HNRNPLL: variants seen among roughly 807,000 people sequenced by gnomAD.
The protein encoded by HNRNPLL is heterogeneous nuclear ribonucleoprotein L-like.
HNRNPLL carries 25 observed loss-of-function variants against 67.1 expected under a neutral mutation model. The ratio of observed to expected loss-of-function variants is 0.37; its 90% CI spans 0.27 to 0.52. The LOEUF (loss-of-function observed/expected upper bound fraction) is 0.52. Ranked by LOEUF, HNRNPLL falls within the 20% of genes least tolerant of loss-of-function variation. HNRNPLL has a pLI of 0.90. For missense variants in HNRNPLL, 542 were observed against 673.9 expected (o/e 0.80, Z 2.17); for synonymous variants, 267 against 241.7 (o/e 1.10, Z -0.97).
rs533204269 is a variant in HNRNPLL, at chr2:38,566,473, C to T, written c.1573+1726G>A. ...CTTGACTTGACACAAATTAAAACAA[C>T]CAAATACCATTTTTCATCTATCATA... On this transcript the variant is annotated intron_variant, in intron 12 of 12. Transcript: ENST00000449105. Among the ~76,000 whole-genome samples, 186 of 150,960 alleles carry T rather than the reference C, an allele frequency of 1.2e-3. 1 individual carries two copies. Among genetic ancestry groups the T allele is most frequent in the African/African-American group, 4.4e-3 (182 of 41,040 alleles).
At chr2:38,595,677 C>G (rs1667155372) in intron 1 of HNRNPLL, among the ~76,000 whole-genome samples, 1 of 151,986 alleles carries the variant, frequency 6.6e-6, no homozygotes, top group African/African-American at 2.4e-5. Flanking sequence ...AACCACATCT[C>G]TACTAAAAAT....
chr2:38,599,449 T>C (rs1667334296), intron 1 of HNRNPLL, among the ~76,000 whole-genome samples: 1 of 152,178 alleles, frequency 6.6e-6, no homozygotes, highest in African/African-American at 2.4e-5. Context: ...GTCATGCCTA[T>C]TAAATTTAAG....
chr2:38,590,503 C>G (rs1666913296), intron 2 of HNRNPLL, among the ~76,000 whole-genome samples: 1 of 152,072 alleles, frequency 6.6e-6, no homozygotes, highest in Non-Finnish European at 1.5e-5. Context: ...AAAATCAACG[C>G]TAGATTATCT....
chr2:38,572,229 GTT>G (rs1052222488), intron 8 of HNRNPLL, among the ~76,000 whole-genome samples: 3 of 151,880 alleles, frequency 2.0e-5, no homozygotes, highest in Admixed American at 6.6e-5. Flanking sequence ...GTTTTGTTTT[GTT>G]TTGTTTTTTA....
intron 6 of HNRNPLL, chr2:38,581,568 T>C (rs1208217228): frequency 8.6e-6 from 3 of 348,186 alleles, no homozygotes; most frequent in African/African-American, 4.2e-5. Context: ...GTCCTTTCCA[T>C]AGAGAAGCAG....
intron 10 of HNRNPLL, 138 bp from the exon 11 acceptor site, chr2:38,568,581 A>G: frequency 1.6e-6 from 1 of 606,356 alleles, no homozygotes; most frequent in Non-Finnish European, 2.9e-6. Context: ...TTCTACATTA[A>G]TATCAAGCTG....
intron 1 of HNRNPLL, 67 bp downstream of exon 1, chr2:38,602,371 C>A (rs967111897): frequency 6.9e-7 from 1 of 1,459,434 alleles, no homozygotes; most frequent in Non-Finnish European, 9.3e-7. Context: ...GCGGGAGGCC[C>A]CGCACCGAGG....
rs769131835 is a variant in HNRNPLL, at chr2:38,591,666, T to C, written c.190-18A>G. 6.4e-7 allele frequency: 1 copy of C among 1,563,298 alleles called. No individual in the cohort carries two copies. Among genetic ancestry groups the C allele is most frequent in the South Asian group, 1.1e-5 (1 of 89,892 alleles). On this transcript the variant is annotated intron_variant, in intron 1 of 12. Coordinates refer to ENST00000449105, the MANE Select transcript of HNRNPLL (RefSeq NM_138394.4). ...CCTGCCTCCTAGCAAGAGAAAATAA[T>C]TTCTAGTTAAAAAAATTTTAAGTCT...
intron 7 of HNRNPLL, among the ~76,000 whole-genome samples, chr2:38,575,694 CA>C (rs1183360841): frequency 1.3e-5 from 2 of 151,764 alleles, no homozygotes; most frequent in Non-Finnish European, 3.0e-5. Context: ...ATAGTCGTCA[CA>C]TAGGAAAAGG....
chr2:38,585,602 C>T (rs761726243), intron 3 of HNRNPLL, 42 bp downstream of exon 3: 9 of 1,316,344 alleles, frequency 6.8e-6, no homozygotes, highest in Non-Finnish European at 9.9e-6. Context: ...AGGCAAACTG[C>T]AAAATCACTT....
intron 2 of HNRNPLL, among the ~76,000 whole-genome samples, chr2:38,590,856 T>C (rs1434581843): frequency 1.3e-5 from 2 of 152,034 alleles, no homozygotes; most frequent in Admixed American, 6.6e-5. Flanking sequence ...TTTTTTTAAA[T>C]TACCCGGGCA....
intron 1 of HNRNPLL, among the ~76,000 whole-genome samples, chr2:38,598,177 C>G (rs1178364911): frequency 6.6e-6 from 1 of 152,128 alleles, no homozygotes. Context: ...TCCTCAACCT[C>G]AGAGGTGGCC....
intron 5 of HNRNPLL, 25 bp downstream of exon 5, chr2:38,582,047 G>A: frequency 6.3e-7 from 1 of 1,598,272 alleles, no homozygotes; most frequent in Non-Finnish European, 8.6e-7. Flanking sequence ...TATTTCTTGG[G>A]TAGGGTGTTG....
At chr2:38,588,878 G>C (rs564302874) in intron 2 of HNRNPLL, among the ~76,000 whole-genome samples, 1 of 152,174 alleles carries the variant, frequency 6.6e-6, no homozygotes, top group South Asian at 2.1e-4. Context: ...ACGAGAAACA[G>C]TGGGAGATCA....
chr2:38,568,064 A>C (rs931623279), intron 12 of HNRNPLL, 135 bp downstream of exon 12: 26 of 604,252 alleles, frequency 4.3e-5, no homozygotes, highest in Admixed American at 3.3e-4. Context: ...TACAGGAATT[A>C]ATATGCCTTT....
At chr2:38,601,701 A>T (rs2148396581) in intron 1 of HNRNPLL, 1 of 152,254 alleles carries the variant, frequency 6.6e-6, no homozygotes, top group African/African-American at 2.4e-5. Flanking sequence ...CATGGGGCAA[A>T]TGTGGAATAA....
intron 1 of HNRNPLL, among the ~76,000 whole-genome samples, chr2:38,601,185 T>C (rs1278354016): frequency 6.6e-6 from 1 of 152,230 alleles, no homozygotes; most frequent in Non-Finnish European, 1.5e-5. Flanking sequence ...AAATCTAAAG[T>C]AATAGCTAAC....
intron 1 of HNRNPLL, chr2:38,600,022 AC>A: frequency 2.4e-6 from 1 of 414,900 alleles, no homozygotes; most frequent in Non-Finnish European, 5.0e-6. Flanking sequence ...GAAGCACAAG[AC>A]AGTAAACTTC....
rs1331719915 is a variant in HNRNPLL at position 38,568,422 on chromosome 2, G to A, written c.1438C>T (p.Leu480Phe). 6.2e-7 allele frequency: 1 copy of A among 1,605,142 alleles called. No individual in the cohort carries two copies. The highest frequency in any genetic ancestry group is 1.3e-5 in the African/African-American group (1 of 74,666). ...FTKLCNDHEVLTFIKYKVFDA... is the reference protein window; with the variant it reads ...FTKLCNDHEVFTFIKYKVFDA... ...AACACTTTATATTTGATGAATGTAAGAACTTCATGGTCATTACACAACTGT... is the reference window on the plus strand; with the variant it reads ...AACACTTTATATTTGATGAATGTAAAAACTTCATGGTCATTACACAACTGT... Residue 480 changes from leucine (L) to phenylalanine (F), a missense_variant, in exon 11 of 13, where the codon CTT becomes TTT. By Grantham distance (22) the Leu-to-Phe change is conservative. Transcript: ENST00000449105.
Sources: gnomAD v4.1 joint callset for allele counts (sites outside exome capture counted in the v4.1 genomes callset) on GRCh38, gnomAD v4.1.1 for gene constraint, MANE v1.5 for transcripts, NCBI Gene and HGNC (gene_info 2026-07-23, HGNC 2026-07-21) for gene names.